The following HSF2BP variants were observed in gnomAD, a reference collection of about 807,000 sequenced individuals.
The protein encoded by HSF2BP is heat shock factor 2-binding protein.
In HSF2BP, 35 loss-of-function variants were observed where a neutral mutation model predicts 35.0. The ratio of observed to expected loss-of-function variants is 1.00; its 90% CI spans 0.76 to 1.32. The LOEUF (loss-of-function observed/expected upper bound fraction) is 1.32. Among genes scored for constraint, HSF2BP ranks in the 40% most tolerant of loss-of-function variants. The probability of loss-of-function intolerance (pLI) is 0.00; values close to 1 mark genes in which losing one functional copy is unlikely to be tolerated. For synonymous variants in HSF2BP, 114 were observed against 117.4 expected (o/e 0.97, Z 0.18); for missense variants, 326 against 321.7 (o/e 1.01, Z -0.10).
chr21:43,592,415 C>CTA, intron 7 of HSF2BP, 87 bp from the exon 8 acceptor site: 1 of 813,114 alleles, frequency 1.2e-6, no homozygotes, highest in Non-Finnish European at 2.1e-6. Flanking sequence ...AGGAACTTAA[C>CTA]GTATTTAGAG....
chr21:43,608,959 C>CCAGA (rs2082169304), intron 7 of HSF2BP, among the ~76,000 whole-genome samples: 1 of 152,104 alleles, frequency 6.6e-6, no homozygotes, highest in African/African-American at 2.4e-5. Flanking sequence ...AATGGAACAG[C>CCAGA]CAGACCCTGT....
chr21:43,650,985 G>A (rs2147111424), intron 3 of HSF2BP, among the ~76,000 whole-genome samples: 1 of 152,284 alleles, frequency 6.6e-6, no homozygotes, highest in East Asian at 1.9e-4. Context: ...TGGGATTACA[G>A]GCGTGAGCCA....
chr21:43,637,917 G>T (rs939721983), intron 4 of HSF2BP, among the ~76,000 whole-genome samples: 1 of 152,018 alleles, frequency 6.6e-6, no homozygotes, highest in Non-Finnish European at 1.5e-5. Context: ...CATAATTAAC[G>T]CTGAAAGATT....
At chr21:43,632,401 C>T (rs199744538) in intron 5 of HSF2BP, among the ~76,000 whole-genome samples, 1 of 127,768 alleles carries the variant, frequency 7.8e-6, no homozygotes, top group Non-Finnish European at 1.7e-5. Flanking sequence ...ACACACACTC[C>T]CCCACACACA....
chr21:43,618,693 T>C (rs1672565943), intron 6 of HSF2BP, among the ~76,000 whole-genome samples: 1 of 151,844 alleles, frequency 6.6e-6, no homozygotes. Context: ...TCCCAGTACT[T>C]TGGGAGGCTG....
intron 7 of HSF2BP, among the ~76,000 whole-genome samples, chr21:43,603,021 G>A (rs1255133777): frequency 3.3e-5 from 5 of 152,190 alleles, no homozygotes; most frequent in East Asian, 1.9e-4. Context: ...CATAGGCAGC[G>A]TGGGCAGTGA....
intron 3 of HSF2BP, among the ~76,000 whole-genome samples, chr21:43,651,418 T>C (rs1367106368): frequency 6.6e-6 from 1 of 152,012 alleles, no homozygotes; most frequent in African/African-American, 2.4e-5. Context: ...TTCCATTCCA[T>C]CCATACAGCC....
intron 7 of HSF2BP, among the ~76,000 whole-genome samples, chr21:43,596,244 A>AT (rs1024398922): frequency 6.6e-6 from 1 of 152,188 alleles, no homozygotes; most frequent in Admixed American, 6.5e-5. Flanking sequence ...GTTAAAAATC[A>AT]TTTTTTAAGT....
the HSF2BP span, among the ~76,000 whole-genome samples, chr21:43,467,850 CACCA>C: frequency 3.8e-5 from 5 of 131,024 alleles, no homozygotes; most frequent in African/African-American, 1.4e-4. Context: ...ACCACATACA[CACCA>C]CACACCACAC....
chr21:43,586,086 A>G (rs2081847201), intron 8 of HSF2BP, among the ~76,000 whole-genome samples: 2 of 152,198 alleles, frequency 1.3e-5, no homozygotes, highest in African/African-American at 2.4e-5. Context: ...CATTGAAAAC[A>G]TGGTAGGAAA....
chr21:43,574,305 T>C (rs1409943510), intron 8 of HSF2BP, among the ~76,000 whole-genome samples: 3 of 152,208 alleles, frequency 2.0e-5, no homozygotes, highest in Admixed American at 1.3e-4. Context: ...GTTGGGTGAT[T>C]ATCTTGGGAG....
At chr21:43,644,564 G>T (rs911271652) in intron 3 of HSF2BP, among the ~76,000 whole-genome samples, 172 bp from the exon 4 acceptor site, 2 of 152,158 alleles carry the variant, frequency 1.3e-5, no homozygotes, top group Non-Finnish European at 2.9e-5. Context: ...TAACAGTCCT[G>T]TTCTCTAAGT....
chr21:43,647,355 T>A (rs775242776), intron 3 of HSF2BP, among the ~76,000 whole-genome samples: 12 of 151,842 alleles, frequency 7.9e-5, no homozygotes, highest in Non-Finnish European at 1.8e-4. Flanking sequence ...GCCTCCCGAG[T>A]AGCTGGGACT....
At chr21:43,629,996 C>G (rs1401877875) in intron 6 of HSF2BP, among the ~76,000 whole-genome samples, 2 of 152,156 alleles carry the variant, frequency 1.3e-5, no homozygotes, top group African/African-American at 4.8e-5. Flanking sequence ...CACAGCCACC[C>G]CAACCTTCAG....
intron 7 of HSF2BP, among the ~76,000 whole-genome samples, chr21:43,608,746 G>A (rs543852049): frequency 2.0e-5 from 3 of 152,092 alleles, no homozygotes; most frequent in Admixed American, 1.3e-4. Flanking sequence ...AGGATCACTT[G>A]AGTTCAGGAG....
chr21:43,612,864 C>G (rs2082226012), intron 7 of HSF2BP, among the ~76,000 whole-genome samples: 1 of 152,088 alleles, frequency 6.6e-6, no homozygotes, highest in Non-Finnish European at 1.5e-5. Flanking sequence ...TCAGAACGAA[C>G]AGTGTGAGTG....
intron 5 of HSF2BP, among the ~76,000 whole-genome samples, chr21:43,631,638 G>C (rs766124764): frequency 9.1e-4 from 139 of 152,182 alleles, no homozygotes; most frequent in Non-Finnish European, 1.5e-3. Flanking sequence ...CCTACAGAAT[G>C]AATCACCAAC....
At chr21:43,610,432 T>C (rs981232338) in intron 7 of HSF2BP, among the ~76,000 whole-genome samples, 2 of 85,704 alleles carry the variant, frequency 2.3e-5, no homozygotes, top group African/African-American at 8.7e-5. Flanking sequence ...CTACAAAAAA[T>C]ACCAAAAAAA....
intron 7 of HSF2BP, among the ~76,000 whole-genome samples, chr21:43,595,753 T>TTTTTTTTTTTTTTTTTTTC (rs2081978122): frequency 7.9e-6 from 1 of 126,290 alleles, no homozygotes; most frequent in Non-Finnish European, 1.6e-5. Flanking sequence ...TTTTTTTTTT[T>TTTTTTTTTTTTTTTTTTTC]TTTTTTGTGA....
Sources: gnomAD v4.1 joint callset for allele counts (sites outside exome capture counted in the v4.1 genomes callset) on GRCh38, gnomAD v4.1.1 for gene constraint, MANE v1.5 for transcripts, NCBI Gene and HGNC (gene_info 2026-07-23, HGNC 2026-07-21) for gene names.